Variants in UBE2D1 observed in about 807,000 individuals in gnomAD.
The protein encoded by UBE2D1 is ubiquitin conjugating enzyme E2 D1.
UBE2D1 carries 9 observed loss-of-function variants against 24.6 expected under a neutral mutation model. That is an observed-to-expected ratio of 0.37 (90% CI 0.22 to 0.64). UBE2D1 has a LOEUF of 0.64. UBE2D1 is among the 30% of genes least tolerant of loss of function. The pLI is 0.64. For missense variants in UBE2D1, 87 were observed against 177.1 expected, an observed-to-expected ratio of 0.49 and a Z score of 2.89; for synonymous variants, 57 against 57.6, an observed-to-expected ratio of 0.99 and a Z score of 0.04.
In UBE2D1 at chr10:58,361,529, A is replaced by T. The variant is rs1169609209; in HGVS notation, c.120+3A>T. The T allele has an allele frequency of 6.2e-7, 1 of 1,614,106 alleles. No individual in the cohort carries two copies. The highest frequency in any genetic ancestry group is 1.7e-5 in the Admixed American group (1 of 60,022). On this transcript the variant is annotated splice_donor_region_variant and intron_variant, in intron 3 of 6. Transcript: ENST00000373910. The stretch of plus-strand genomic sequence containing the variant: ...GGCAAGCCACTATTATGGGGCCTGT[A>T]AGTATGATTCATATCTATGAAATTA...
intron 1 of UBE2D1, among the ~76,000 whole-genome samples, chr10:58,358,135 T>C (rs965333786): frequency 6.6e-6 from 1 of 152,160 alleles, no homozygotes; most frequent in Admixed American, 6.5e-5. Flanking sequence ...AAGGTTTTCA[T>C]TTTTCTTGTT....
Position 58,335,039 on chromosome 10 carries a change from C to G in UBE2D1, c.-163C>G, listed in dbSNP as rs1839884002. 3.0e-6 allele frequency: 2 copies of G among 661,208 alleles called. No homozygotes were observed. Among genetic ancestry groups the G allele is most frequent in the Admixed American group, 3.4e-5 (1 of 29,400 alleles). The allele number at this position is 661,208 out of a possible 1,614,324, so 41.0% of individuals were successfully genotyped here. On this transcript the variant is annotated 5_prime_UTR_variant, in exon 1 of 7. Transcript: ENST00000373910. ...GCGCACACTCGCGCTCGGGCGCACA[C>G]GGAGCAGGGACCGGCGCCCGGAGCG...
At chr10:58,340,292 A>C (rs1037699884) in intron 1 of UBE2D1, among the ~76,000 whole-genome samples, 51 of 152,230 alleles carry the variant, frequency 3.4e-4, no homozygotes, top group Admixed American at 3.3e-3. Context: ...AAAATGAAGG[A>C]GTAAACGATA....
chr10:58,350,772 CAG>C (rs1478597473), intron 1 of UBE2D1, among the ~76,000 whole-genome samples: 1 of 152,100 alleles, frequency 6.6e-6, no homozygotes, highest in Non-Finnish European at 1.5e-5. Context: ...TGTGTAATGA[CAG>C]GGATAATTTC....
rs572013512 is a variant in UBE2D1 at position 58,360,906 on chromosome 10, A to G, written c.25-432A>G. ...CACTGCACTCCATCCTGGGCGACAA[A>G]GTGAGATCCTGTCTCAAAAAAAAAA... On this transcript the variant is annotated intron_variant, in intron 1 of 6. Coordinates refer to ENST00000373910, the MANE Select transcript of UBE2D1 (RefSeq NM_003338.5). 8.0e-5 allele frequency: 36 copies of G among 447,244 alleles called. No individual in the cohort carries two copies. In the Admixed American group the frequency reaches 8.9e-4, roughly 11 times the overall value. The allele number at this position is 447,244 out of a possible 1,614,324, so 27.7% of individuals were successfully genotyped here.
chr10:58,343,472 C>G (rs1839984178), intron 1 of UBE2D1, among the ~76,000 whole-genome samples: 1 of 151,968 alleles, frequency 6.6e-6, no homozygotes, highest in Non-Finnish European at 1.5e-5. Context: ...AATCACTGTT[C>G]CATAACATAA....
intron 4 of UBE2D1, 89 bp from the exon 5 acceptor site, chr10:58,364,682 A>T (rs1840236739): frequency 1.2e-6 from 1 of 848,128 alleles, no homozygotes; most frequent in Non-Finnish European, 1.9e-6. Context: ...AAAGTTGAGG[A>T]TATTTTACCC....
chr10:58,346,663 T>G (rs1220318263), intron 1 of UBE2D1, among the ~76,000 whole-genome samples: 1 of 152,176 alleles, frequency 6.6e-6, no homozygotes, highest in Non-Finnish European at 1.5e-5. Context: ...GTTGCAGATA[T>G]GACGCTAGAA....
In UBE2D1 at chr10:58,335,084, G is replaced by T; in HGVS notation, c.-118G>T. The T allele has an allele frequency of 8.8e-7, 1 of 1,137,126 alleles. No homozygotes were observed. Among genetic ancestry groups the T allele is most frequent in the South Asian group, 1.4e-5 (1 of 73,784 alleles). 70.4% of individuals were successfully genotyped at this position (1,137,126 alleles called of 1,614,324 possible). A position where few individuals can be genotyped will look rare whatever the true frequency, so the allele number is the denominator to read the frequency against. On this transcript the variant is annotated 5_prime_UTR_variant, in exon 1 of 7. Coordinates refer to ENST00000373910, the MANE Select transcript of UBE2D1 (RefSeq NM_003338.5). ...GGAGCGAGCCAGGGAGCGGCTAACCGGGGACCCACCGCGCGGAGCCAGCCT... is the reference window on the plus strand; with the variant it reads ...GGAGCGAGCCAGGGAGCGGCTAACCTGGGACCCACCGCGCGGAGCCAGCCT...
intron 1 of UBE2D1, among the ~76,000 whole-genome samples, chr10:58,354,775 C>T (rs577641816): frequency 4.4e-4 from 67 of 152,048 alleles, no homozygotes; most frequent in Non-Finnish European, 7.9e-4. Context: ...GTGGAGGTTG[C>T]AGTGAGCTGA....
intron 5 of UBE2D1, among the ~76,000 whole-genome samples, chr10:58,366,523 T>C (rs2132334157): frequency 6.6e-6 from 1 of 152,310 alleles, no homozygotes; most frequent in South Asian, 2.1e-4. Context: ...TACTTTTTTA[T>C]AAGATAGATC....
chr10:58,354,388 A>G (rs1017256525), intron 1 of UBE2D1, among the ~76,000 whole-genome samples: 1 of 151,796 alleles, frequency 6.6e-6, no homozygotes, highest in Admixed American at 6.6e-5. Context: ...TAGTCAGGTT[A>G]TACCTGCAGT....
intron 1 of UBE2D1, among the ~76,000 whole-genome samples, chr10:58,345,298 C>T (rs956676094): frequency 2.0e-5 from 3 of 151,912 alleles, no homozygotes; most frequent in Non-Finnish European, 2.9e-5. Context: ...TAGTGAGATC[C>T]CATTTATTTT....
intron 3 of UBE2D1, among the ~76,000 whole-genome samples, chr10:58,362,918 A>C (rs4145785): frequency 0.01 from 1,552 of 151,386 alleles, 26 homozygotes; most frequent in African/African-American, 0.036. Context: ...TTCTTTTTTT[A>C]AAATTTTTTT....
intron 1 of UBE2D1, among the ~76,000 whole-genome samples, chr10:58,341,032 A>C (rs187407065): frequency 1.3e-5 from 2 of 152,362 alleles, no homozygotes; most frequent in African/African-American, 4.8e-5. Context: ...TGTGCTTCGC[A>C]AATCTCTGCT....
intron 5 of UBE2D1, 87 bp from the exon 6 acceptor site, chr10:58,367,836 C>A (rs975048982): frequency 3.7e-6 from 3 of 811,234 alleles, no homozygotes; most frequent in Non-Finnish European, 6.0e-6. Context: ...AGTACAGTAT[C>A]TATATTCACT....
Position 58,368,028 on chromosome 10 carries a change from C to G in UBE2D1, c.398+12C>G. 3.8e-6 allele frequency: 6 copies of G among 1,587,062 alleles called. No homozygotes were observed. Among genetic ancestry groups the G allele is most frequent in the Non-Finnish European group, 5.2e-6 (6 of 1,157,988 alleles). Reference sequence around the variant, plus strand: ...TCAGACAAAGAAAAGTAAGTGTTTACTTATTTTAGTTTCTGTATGGATACA... The same window carrying G: ...TCAGACAAAGAAAAGTAAGTGTTTAGTTATTTTAGTTTCTGTATGGATACA... On this transcript the variant is annotated intron_variant, in intron 6 of 6. Coordinates refer to ENST00000373910, the MANE Select transcript of UBE2D1 (RefSeq NM_003338.5).
intron 4 of UBE2D1, 73 bp from the exon 5 acceptor site, chr10:58,364,698 C>A: frequency 9.1e-7 from 1 of 1,100,510 alleles, no homozygotes; most frequent in Non-Finnish European, 1.3e-6. Context: ...TACCCTAGAG[C>A]AAATTGGTTC....
chr10:58,362,493 A>C (rs1840210589), intron 3 of UBE2D1, among the ~76,000 whole-genome samples: 1 of 152,160 alleles, frequency 6.6e-6, no homozygotes, highest in Non-Finnish European at 1.5e-5. Flanking sequence ...GTTTGTTTTT[A>C]ATTAGTTACT....
Sources: allele counts gnomAD v4.1 joint callset (sites outside exome capture counted in the v4.1 genomes callset), GRCh38; gene constraint gnomAD v4.1.1; transcripts MANE v1.5; gene names NCBI Gene and HGNC (gene_info 2026-07-23, HGNC 2026-07-21).